SPMAP2: variants seen among roughly 807,000 people sequenced by gnomAD.
The protein encoded by SPMAP2 is sperm microtubule associated protein 2, also known as Theg homolog.
chr19:375,230 C>T, the SPMAP2 span, among the ~76,000 whole-genome samples: 3 of 152,302 alleles, frequency 2.0e-5, no homozygotes, highest in Non-Finnish European at 2.9e-5. Flanking sequence ...GTGTTCCTCC[C>T]GACCATTTAA....
At chr19:374,330 G>T in the SPMAP2 span, 2 of 1,614,082 alleles carry the variant, frequency 1.2e-6, no homozygotes, top group East Asian at 4.5e-5. Flanking sequence ...TTTATCTTGG[G>T]CTCTGCCAGC....
chr19:371,143 ACT>A, the SPMAP2 span: 1 of 1,001,242 alleles, frequency 1.0e-6, no homozygotes, highest in Non-Finnish European at 1.4e-6. Context: ...AGCCTCTTTC[ACT>A]CTCTGCCGGG....
At chr19:367,280 G>A in the SPMAP2 span, 1 of 1,487,966 alleles carries the variant, frequency 6.7e-7, no homozygotes, top group Admixed American at 2.5e-5. Context: ...TGCCTCGTGG[G>A]CCCTGGAGCT....
chr19:375,114 A>G, the SPMAP2 span, among the ~76,000 whole-genome samples: 1 of 152,126 alleles, frequency 6.6e-6, no homozygotes, highest in Non-Finnish European at 1.5e-5. Context: ...ACGGGAGCCG[A>G]GTCCCAGAGG....
chr19:375,631 G>T, the SPMAP2 span: 16 of 1,519,580 alleles, frequency 1.1e-5, no homozygotes, highest in Non-Finnish European at 1.3e-5. Flanking sequence ...CTACCCCACC[G>T]CACCCAGGCA....
chr19:372,389 C>T, the SPMAP2 span, among the ~76,000 whole-genome samples: 177 of 152,356 alleles, frequency 1.2e-3, 1 homozygote, highest in African/African-American at 4.2e-3. Context: ...TTCACGGGTG[C>T]CCTCCACCAC....
the SPMAP2 span, chr19:374,635 G>A: frequency 1.4e-4 from 85 of 603,468 alleles, no homozygotes; most frequent in African/African-American, 3.0e-4. Context: ...TGGAAGACCC[G>A]TCCAGGTCAC....
chr19:372,305 T>C, the SPMAP2 span, among the ~76,000 whole-genome samples: 4 of 152,264 alleles, frequency 2.6e-5, no homozygotes, highest in African/African-American at 9.6e-5. Flanking sequence ...CCACCTTTTT[T>C]GAGTAAACAA....
At chr19:375,546 A>G in the SPMAP2 span, 2 of 1,138,634 alleles carry the variant, frequency 1.8e-6, no homozygotes, top group Non-Finnish European at 2.4e-6. Flanking sequence ...GCAGCGAGCC[A>G]GGCCGGTGGC....
At chr19:375,598 C>T in the SPMAP2 span, 5 of 1,440,970 alleles carry the variant, frequency 3.5e-6, no homozygotes, top group Admixed American at 2.5e-5. Flanking sequence ...TGCTGCCCTC[C>T]CCCCACTGCC....
chr19:374,709 C>T, the SPMAP2 span: 14 of 456,270 alleles, frequency 3.1e-5, no homozygotes, highest in South Asian at 1.4e-4. Context: ...TCCCACCTGG[C>T]GGGGCTGTTT....
At chr19:363,754 C>G in the SPMAP2 span, among the ~76,000 whole-genome samples, 3 of 149,828 alleles carry the variant, frequency 2.0e-5, no homozygotes, top group East Asian at 2.1e-4. Flanking sequence ...AGGCTGGTCT[C>G]GAACTCCTGA....
the SPMAP2 span, chr19:371,299 G>T: frequency 6.7e-7 from 1 of 1,493,124 alleles, no homozygotes; most frequent in Non-Finnish European, 8.9e-7. Context: ...GGAGGACCGA[G>T]GAATGGGCCA....
At chr19:372,333 G>A in the SPMAP2 span, among the ~76,000 whole-genome samples, 10 of 152,272 alleles carry the variant, frequency 6.6e-5, no homozygotes, top group East Asian at 1.5e-3. Flanking sequence ...TCACAATGGT[G>A]ATAACATCTG....
the SPMAP2 span, chr19:362,486 G>A: frequency 4.3e-6 from 6 of 1,404,576 alleles, no homozygotes; most frequent in East Asian, 1.4e-4. Flanking sequence ...TCCACATTCA[G>A]GCTGGGCATG....
At chr19:367,247 G>C in the SPMAP2 span, 1 of 1,571,524 alleles carries the variant, frequency 6.4e-7, no homozygotes, top group South Asian at 1.2e-5. Flanking sequence ...ATAGAGAGAA[G>C]GGTTACGTGA....
chr19:375,857 C>G, the SPMAP2 span: 1 of 1,599,200 alleles, frequency 6.3e-7, no homozygotes. Flanking sequence ...CCCGCCGGCT[C>G]TCGTACACAG....
At chr19:374,976 G>C in the SPMAP2 span, among the ~76,000 whole-genome samples, 1 of 152,232 alleles carries the variant, frequency 6.6e-6, no homozygotes, top group Admixed American at 6.5e-5. Flanking sequence ...TTTCTCTGCA[G>C]GTTGGCAGAG....
the SPMAP2 span, among the ~76,000 whole-genome samples, chr19:369,040 G>A: frequency 6.6e-6 from 1 of 152,190 alleles, no homozygotes; most frequent in Non-Finnish European, 1.5e-5. Flanking sequence ...TTTTTAGTGT[G>A]ATCAGTGTTA....
Sources: allele counts gnomAD v4.1 joint callset (sites outside exome capture counted in the v4.1 genomes callset), GRCh38; gene constraint gnomAD v4.1.1; transcripts MANE v1.5; gene names NCBI Gene and HGNC (gene_info 2026-07-23, HGNC 2026-07-21).